FBXO3: variants seen among roughly 807,000 people sequenced by gnomAD.
FBXO3 encodes the protein F-box only protein 3.
Under a neutral mutation model 64.8 loss-of-function variants are expected in FBXO3, and 17 were observed. The ratio of observed to expected loss-of-function variants is 0.26; its 90% CI spans 0.18 to 0.39. The LOEUF is 0.39. Ranked by LOEUF, FBXO3 falls within the 10% of genes least tolerant of loss-of-function variation. The pLI is 1.00. For synonymous variants in FBXO3, 182 were observed against 201.6 expected, an observed-to-expected ratio of 0.90 and a Z score of 0.82; for missense variants, 420 against 589.9, an observed-to-expected ratio of 0.71 and a Z score of 2.98.
chr11:33,762,929 G>A (rs1197135710), intron 3 of FBXO3, among the ~76,000 whole-genome samples: 2 of 152,212 alleles, frequency 1.3e-5, no homozygotes, highest in African/African-American at 4.8e-5. Context: ...AATGGAAAAG[G>A]TGGTATCACC....
intron 1 of FBXO3, 153 bp downstream of exon 1, chr11:33,774,241 C>A (rs1855583512): frequency 1.5e-6 from 1 of 647,954 alleles, no homozygotes; most frequent in Admixed American, 3.0e-5. Flanking sequence ...TCGCCCCGGT[C>A]CCCGGTGGCT....
intron 1 of FBXO3, 93 bp from the exon 2 acceptor site, chr11:33,770,923 TTTTG>T (rs1855496306): frequency 2.0e-6 from 2 of 1,003,964 alleles, no homozygotes; most frequent in Non-Finnish European, 2.9e-6. Context: ...GTTTTATGCC[TTTTG>T]TTTCTCTTAC....
chr11:33,761,235 A>G (rs1300507162), intron 3 of FBXO3, among the ~76,000 whole-genome samples: 1 of 152,204 alleles, frequency 6.6e-6, no homozygotes, highest in African/African-American at 2.4e-5. Context: ...AAAAACAGAA[A>G]CATGGTATAG....
intron 3 of FBXO3, among the ~76,000 whole-genome samples, chr11:33,768,222 T>A (rs535384576): frequency 5.9e-4 from 90 of 152,350 alleles, no homozygotes; most frequent in African/African-American, 2.0e-3. Flanking sequence ...ATTTTCATGA[T>A]CATTAATTAA....
At chr11:33,754,566 T>A in intron 5 of FBXO3, 66 bp from the exon 6 acceptor site, 1 of 1,392,162 alleles carries the variant, frequency 7.2e-7, no homozygotes. Flanking sequence ...GTTCATTATC[T>A]GTATCTTTCC....
chr11:33,745,769 A>C (rs2133592269), intron 10 of FBXO3: 1 of 152,322 alleles, frequency 6.6e-6, no homozygotes, highest in Non-Finnish European at 1.5e-5. Context: ...GAAGGAAAGA[A>C]ATAAAGATAA....
At chr11:33,767,923 T>C (rs564482577) in intron 3 of FBXO3, among the ~76,000 whole-genome samples, 1 of 152,382 alleles carries the variant, frequency 6.6e-6, no homozygotes, top group African/African-American at 2.4e-5. Context: ...TTCTGCCAAA[T>C]CATTCTTTCT....
At position 33,741,268 on chromosome 11, in the gene FBXO3, A is replaced by G. The variant is rs960785685; in HGVS notation, c.*640T>C. The G allele has an allele frequency of 9.2e-5, 14 of 152,814 alleles. No individual in the cohort carries two copies. Among genetic ancestry groups the G allele is most frequent in the African/African-American group, 3.4e-4 (14 of 41,596 alleles). The allele number at this position is 152,814 out of a possible 1,614,324, so 9.5% of individuals were successfully genotyped here. A position where few individuals can be genotyped will look rare whatever the true frequency, so the allele number is the denominator to read the frequency against. On this transcript the variant is annotated 3_prime_UTR_variant, in exon 11 of 11. Coordinates refer to ENST00000265651, the MANE Select transcript of FBXO3 (RefSeq NM_012175.4). ...AAGCGCATAGTGTTGAAGACTTTAA[A>G]TTAAATCCAAGGTCATCATGTTGAA...
At chr11:33,755,657 TA>T (rs1405822565) in intron 5 of FBXO3, 113 bp downstream of exon 5, 4 of 776,120 alleles carry the variant, frequency 5.2e-6, no homozygotes, top group Non-Finnish European at 6.6e-6. Context: ...GGTCTATAAC[TA>T]AAATGCATAA....
intron 5 of FBXO3, 144 bp downstream of exon 5, chr11:33,755,627 A>C: frequency 1.5e-6 from 1 of 659,960 alleles, no homozygotes; most frequent in Non-Finnish European, 2.7e-6. Context: ...TTATGTCAGA[A>C]TATTAACTCT....
At chr11:33,767,814 C>T (rs943277317) in intron 3 of FBXO3, among the ~76,000 whole-genome samples, 10 of 152,112 alleles carry the variant, frequency 6.6e-5, no homozygotes, top group Non-Finnish European at 1.0e-4. Flanking sequence ...TTGAAATATT[C>T]GACCCTACAT....
At position 33,758,504 on chromosome 11, in the gene FBXO3, C is replaced by G; in HGVS notation, c.456G>C (p.Gln152His). ...TATCTTACCCAGGAACCACTAACTTCTGTCCATTGTGAATTCGGTATGAAC... is the reference window on the plus strand; with the variant it reads ...TATCTTACCCAGGAACCACTAACTTGTGTCCATTGTGAATTCGGTATGAAC... ...YRCSYRIHNG[Q>H]KLVVPGLLGS... The change falls in exon 4 of 11, where the codon CAG becomes CAC. Residue 152 changes from glutamine (Q) to histidine (H), a missense_variant. Around this residue, in one of 3 missense-constraint regions of FBXO3, gnomAD observed 337 missense variants for 518.4 expected, o/e 0.65. Coordinates refer to ENST00000265651, the MANE Select transcript of FBXO3 (RefSeq NM_012175.4). 1.2e-6 allele frequency: 2 copies of G among 1,603,254 alleles called. No individual in the cohort carries two copies. The highest frequency in any genetic ancestry group is 1.7e-6 in the Non-Finnish European group (2 of 1,172,052).
At chr11:33,750,772 G>A in intron 7 of FBXO3, 111 bp from the exon 8 acceptor site, 2 of 993,236 alleles carry the variant, frequency 2.0e-6, no homozygotes, top group Non-Finnish European at 2.9e-6. Flanking sequence ...TTCAGACCCA[G>A]AAAAGTTCAA....
chr11:33,771,868 A>ACT (rs1855519137), intron 1 of FBXO3: 1 of 152,148 alleles, frequency 6.6e-6, no homozygotes, highest in Non-Finnish European at 1.5e-5. Context: ...CTGCCCTAGG[A>ACT]GCTAAATGAC....
At chr11:33,753,646 T>G (rs189817545) in intron 6 of FBXO3, 10 of 152,336 alleles carry the variant, frequency 6.6e-5, no homozygotes, top group Non-Finnish European at 1.2e-4. Context: ...CTTGATATTA[T>G]GAAGTACACC....
At chr11:33,749,540 A>G (rs747518848) in intron 8 of FBXO3, among the ~76,000 whole-genome samples, 4 of 151,936 alleles carry the variant, frequency 2.6e-5, no homozygotes, top group Admixed American at 6.6e-5. Flanking sequence ...TTTTTTAAAA[A>G]TTTTTGTAGG....
chr11:33,758,990 T>C (rs532344781), intron 3 of FBXO3, among the ~76,000 whole-genome samples: 3 of 152,272 alleles, frequency 2.0e-5, no homozygotes, highest in South Asian at 2.1e-4. Flanking sequence ...AGTTTTAACA[T>C]TGACTCTTAA....
At chr11:33,763,646 A>C (rs1239621498) in intron 3 of FBXO3, among the ~76,000 whole-genome samples, 1 of 141,540 alleles carries the variant, frequency 7.1e-6, no homozygotes, top group African/African-American at 2.7e-5. Flanking sequence ...AAAAAAAAAA[A>C]ACCCTACAGC....
At chr11:33,753,348 C>G (rs1378821527) in intron 6 of FBXO3, 2 of 152,242 alleles carry the variant, frequency 1.3e-5, no homozygotes, top group African/African-American at 4.8e-5. Context: ...CATACCATGT[C>G]AGACGAGCAC....
Sources: allele counts gnomAD v4.1 joint callset (sites outside exome capture counted in the v4.1 genomes callset), GRCh38; gene constraint gnomAD v4.1.1; regional missense constraint gnomAD v4.1.1; transcripts MANE v1.5; gene names NCBI Gene and HGNC (gene_info 2026-07-23, HGNC 2026-07-21).